Variants in MFSD1 observed in about 807,000 individuals in gnomAD.
MFSD1 encodes the protein major facilitator superfamily domain containing 1.
MFSD1 carries 59 observed loss-of-function variants against 67.1 expected under a neutral mutation model. The ratio of observed to expected loss-of-function variants is 0.88; its 90% CI spans 0.71 to 1.09. The LOEUF (loss-of-function observed/expected upper bound fraction) is 1.09, where lower values mean the gene tolerates loss of function less well. MFSD1 is among the 50% of genes least tolerant of loss of function. The probability of loss-of-function intolerance (pLI) is 0.00; values close to 1 mark genes in which losing one functional copy is unlikely to be tolerated. For missense variants in MFSD1, 552 were observed against 566.1 expected, an observed-to-expected ratio of 0.97 and a Z score of 0.25; for synonymous variants, 213 against 200.3, an observed-to-expected ratio of 1.06 and a Z score of -0.54.
Position 158,823,541 on chromosome 3 carries a change from G to C in MFSD1, c.1175+16G>C. The C allele has an allele frequency of 6.6e-7, 1 of 1,512,936 alleles. No homozygotes were observed. Among genetic ancestry groups the C allele is most frequent in the East Asian group, 2.3e-5 (1 of 44,442 alleles). 93.7% of individuals were successfully genotyped at this position (1,512,936 alleles called of 1,614,324 possible). On this transcript the variant is annotated intron_variant, in intron 12 of 15. Transcript: ENST00000415822. ...CATATGGCTTGTAAGTATTTACGCT[G>C]TGGATCGTATATGTCTGTCTCTGCT...
chr3:158,816,638 G>A (rs1730363665), intron 7 of MFSD1, among the ~76,000 whole-genome samples: 1 of 150,868 alleles, frequency 6.6e-6, no homozygotes, highest in African/African-American at 2.4e-5. Flanking sequence ...TTGCTGTGCA[G>A]AAGCTCTTTA....
At chr3:158,817,824 G>A (rs559185394) in intron 7 of MFSD1, among the ~76,000 whole-genome samples, 1 of 152,154 alleles carries the variant, frequency 6.6e-6, no homozygotes, top group Non-Finnish European at 1.5e-5. Flanking sequence ...AAAGCTGGAG[G>A]CATCACGCTA....
chr3:158,807,132 C>A, intron 4 of MFSD1, 50 bp downstream of exon 4: 1 of 1,510,424 alleles, frequency 6.6e-7, no homozygotes, highest in Non-Finnish European at 9.1e-7. Context: ...CTTCTAAATT[C>A]TTATCTAATT....
intron 1 of MFSD1, 137 bp from the exon 2 acceptor site, chr3:158,804,182 A>G: frequency 1.7e-6 from 1 of 575,348 alleles, no homozygotes; most frequent in South Asian, 2.4e-5. Context: ...ACTGGTGGAT[A>G]AGGAAGTGGT....
chr3:158,817,514 A>G (rs988592994), intron 7 of MFSD1, among the ~76,000 whole-genome samples: 5 of 152,226 alleles, frequency 3.3e-5, no homozygotes, highest in Non-Finnish European at 5.9e-5. Context: ...TTCAAAGAGA[A>G]TAAAATACTT....
At position 158,802,205 on chromosome 3, in the gene MFSD1, A is replaced by C. The variant is rs763177310; in HGVS notation, c.53A>C (p.Glu18Ala). 8 of 1,610,784 alleles carry C rather than the reference A, an allele frequency of 5.0e-6. No homozygotes were observed. Among genetic ancestry groups the C allele is most frequent in the Non-Finnish European group, 6.8e-6 (8 of 1,179,082 alleles). The change falls in exon 1 of 16, where the codon GAG (glutamate) becomes GCG (alanine). Residue 18 changes from glutamate to alanine, a missense_variant. Coordinates refer to ENST00000415822, the MANE Select transcript of MFSD1 (RefSeq NM_022736.4). ...ARALLAGGPDEADRGAPAAPG... is the reference protein window; with the variant it reads ...ARALLAGGPDAADRGAPAAPG... ...GCGCTCCTGGCAGGCGGCCCTGACG[A>C]GGCCGACAGAGGTGCCCCGGCCGCC...
intron 6 of MFSD1, among the ~76,000 whole-genome samples, chr3:158,813,130 T>C: frequency 6.6e-6 from 1 of 151,608 alleles, no homozygotes; most frequent in South Asian, 2.1e-4. Flanking sequence ...CCAAAGTAAG[T>C]TGGATATTTT....
At chr3:158,811,341 C>T (rs1192918839) in intron 6 of MFSD1, among the ~76,000 whole-genome samples, 1 of 152,202 alleles carries the variant, frequency 6.6e-6, no homozygotes, top group African/African-American at 2.4e-5. Flanking sequence ...TTAGGTTAGA[C>T]ATGCCTGCCA....
At chr3:158,822,164 T>C in intron 11 of MFSD1, 24 bp downstream of exon 11, 1 of 1,592,484 alleles carries the variant, frequency 6.3e-7, no homozygotes, top group Non-Finnish European at 8.6e-7. Context: ...TAGCCCATGG[T>C]GGGGTCAGGG....
chr3:158,807,352 G>T, intron 4 of MFSD1, 44 bp from the exon 5 acceptor site: 1 of 1,481,812 alleles, frequency 6.7e-7, no homozygotes, highest in South Asian at 1.2e-5. Flanking sequence ...TTAATACTTT[G>T]AATTTACTTT....
chr3:158,822,336 A>AATTTCATT (rs1730725365), intron 11 of MFSD1, 196 bp downstream of exon 11: 1 of 362,934 alleles, frequency 2.8e-6, no homozygotes, highest in Non-Finnish European at 4.9e-6. Flanking sequence ...GGTATCTTTT[A>AATTTCATT]ATTTCATTTG....
chr3:158,815,726 A>C (rs1730293915), intron 7 of MFSD1, among the ~76,000 whole-genome samples: 1 of 151,520 alleles, frequency 6.6e-6, no homozygotes, highest in Non-Finnish European at 1.5e-5. Flanking sequence ...ATATGTATAC[A>C]TGTGCCATGC....
At chr3:158,809,115 T>C (rs928645318) in intron 5 of MFSD1, 64 bp from the exon 6 acceptor site, 3 of 1,254,292 alleles carry the variant, frequency 2.4e-6, no homozygotes, top group South Asian at 1.4e-5. Flanking sequence ...ACCTGCTGCA[T>C]TGCTAACTGT....
At chr3:158,804,452 C>G (rs536536691) in intron 2 of MFSD1, 81 bp downstream of exon 2, 1 of 1,133,380 alleles carries the variant, frequency 8.8e-7, no homozygotes, top group African/African-American at 1.5e-5. Flanking sequence ...CCCTCAGGTG[C>G]CCTAGTCTCA....
chr3:158,819,824 A>G lies in MFSD1; in HGVS notation c.751+77A>G, dbSNP rs1730582128. 5.2e-6 allele frequency: 4 copies of G among 773,830 alleles called. No homozygotes were observed. The South Asian group carries it at 7.4e-5, about 14-fold the overall frequency. The allele number at this position is 773,830 out of a possible 1,614,324, so 47.9% of individuals were successfully genotyped here. ...TTTTATAATGAGATCTAAGTTCCTA[A>G]TGAAGTGTTGTAAAACCAGGTGGAG... On this transcript the variant is annotated intron_variant, in intron 8 of 15. Transcript: ENST00000415822.
intron 6 of MFSD1, among the ~76,000 whole-genome samples, chr3:158,812,530 C>T (rs1730081904): frequency 6.6e-6 from 1 of 152,172 alleles, no homozygotes; most frequent in South Asian, 2.1e-4. Context: ...CTCAGGGCAA[C>T]TTATATGCAA....
rs1340519083 is a variant in MFSD1, at chr3:158,819,682, C to T, written c.686C>T (p.Ala229Val). 2 of 1,604,166 alleles carry T rather than the reference C, an allele frequency of 1.2e-6. No individual in the cohort carries two copies. Among genetic ancestry groups the T allele is most frequent in the Non-Finnish European group, 1.7e-6 (2 of 1,173,532 alleles). Reference protein sequence around the residue: ...GITCILSLICALALAYLDQRA... With the variant: ...GITCILSLICVLALAYLDQRA... ...ACGTGTATTCTTTCACTAATCTGTG[C>T]CTTGGCTCTTGCCTACTTGGATCAG... The change falls in exon 8 of 16, where the codon GCC becomes GTC. Residue 229 changes from alanine (A) to valine (V), a missense_variant. Coordinates refer to ENST00000415822, the MANE Select transcript of MFSD1 (RefSeq NM_022736.4).
chr3:158,806,998 T>G, intron 3 of MFSD1, 42 bp from the exon 4 acceptor site: 5 of 1,527,180 alleles, frequency 3.3e-6, no homozygotes, highest in Non-Finnish European at 3.6e-6. Flanking sequence ...ATTTTTTTTT[T>G]CTTTTTCTTT....
chr3:158,807,750 T>C (rs1729800005), intron 5 of MFSD1, among the ~76,000 whole-genome samples: 1 of 152,248 alleles, frequency 6.6e-6, no homozygotes, highest in Non-Finnish European at 1.5e-5. Context: ...AGACTATGAT[T>C]TGAACCACAT....
Sources: allele counts gnomAD v4.1 joint callset (sites outside exome capture counted in the v4.1 genomes callset), GRCh38; gene constraint gnomAD v4.1.1; transcripts MANE v1.5; gene names NCBI Gene and HGNC (gene_info 2026-07-23, HGNC 2026-07-21).